ABCB5: variants seen among roughly 807,000 people sequenced by gnomAD.
The protein encoded by ABCB5 is ATP-binding cassette sub-family B member 5.
Under a neutral mutation model 144.2 loss-of-function variants are expected in ABCB5, and 155 were observed. The observed-to-expected ratio is 1.08, with a 90% CI of 0.94 to 1.23. The LOEUF is 1.23. Ranked by LOEUF, ABCB5 falls within the 50% of genes most tolerant of loss-of-function variation. The pLI, the probability that ABCB5 is intolerant of heterozygous loss-of-function variation, is 0.00. For missense variants in ABCB5, 1,830 were observed against 1,520.8 expected (o/e 1.20, Z -3.38); for synonymous variants, 610 against 528.6 (o/e 1.15, Z -2.11).
chr7:20,736,608 A>G (rs1782385521), intron 23 of ABCB5, among the ~76,000 whole-genome samples: 3 of 152,226 alleles, frequency 2.0e-5, no homozygotes, highest in South Asian at 4.1e-4. Context: ...CAACAGTGAC[A>G]TGAGAGATTG....
At chr7:20,689,331 G>A (rs1189425121) in intron 16 of ABCB5, among the ~76,000 whole-genome samples, 2 of 152,168 alleles carry the variant, frequency 1.3e-5, no homozygotes, top group South Asian at 2.1e-4. Context: ...GTGGTACCTT[G>A]CTGGTGGGGC....
rs1269243883 is a variant in ABCB5, at chr7:20,651,408, T to C, written c.1333-12T>C. On this transcript the variant is annotated splice_polypyrimidine_tract_variant and intron_variant, in intron 12 of 27. Transcript: ENST00000404938. ...AAGGCATCACAACATGGTTCATTCT[T>C]TGGATTGGCAGATCATGGTGGATGA... 6.2e-7 allele frequency: 1 copy of C among 1,613,826 alleles called. No homozygotes were observed. Among genetic ancestry groups the C allele is most frequent in the African/African-American group, 1.3e-5 (1 of 74,910 alleles).
In ABCB5 at chr7:20,643,375, A is replaced by G. The variant is rs1784335173; in HGVS notation, c.506A>G (p.Asp169Gly). The G allele has an allele frequency of 6.2e-7, 1 of 1,613,866 alleles. No homozygotes were observed. The highest frequency in any genetic ancestry group is 8.5e-7 in the Non-Finnish European group (1 of 1,179,760). Residue 169 changes from aspartate (D) to glycine (G), a missense_variant and splice_region_variant, in exon 6 of 28, where the codon GAT becomes GGT. Asp to Gly is a moderately conservative substitution (Grantham distance 94). Coordinates refer to ENST00000404938, the MANE Select transcript of ABCB5 (RefSeq NM_001163941.2). Reference sequence around the variant, plus strand: ...GGTGAACTTAACACTCGCATGACAGAGTAAGAGGATGATATTGTAGTACGT... The same window carrying G: ...GGTGAACTTAACACTCGCATGACAGGGTAAGAGGATGATATTGTAGTACGT... ...DIGELNTRMT[D>G]DIDKISDGIG...
intron 14 of ABCB5, among the ~76,000 whole-genome samples, chr7:20,680,581 A>C (rs954154464): frequency 4.0e-5 from 6 of 151,698 alleles, no homozygotes; most frequent in African/African-American, 1.5e-4. Context: ...AAAAAAAAAA[A>C]AAAAACCGAC....
chr7:20,688,772 T>C (rs1583427059), intron 16 of ABCB5, among the ~76,000 whole-genome samples: 2 of 152,268 alleles, frequency 1.3e-5, no homozygotes, highest in East Asian at 1.9e-4. Flanking sequence ...ATATACACCA[T>C]GGAATACTAG....
intron 1 of ABCB5, among the ~76,000 whole-genome samples, chr7:20,618,737 T>A (rs947862352): frequency 6.6e-6 from 1 of 151,548 alleles, no homozygotes; most frequent in Non-Finnish European, 1.5e-5. Context: ...CTACAAAAGA[T>A]TTCATGGCAT....
In ABCB5 at chr7:20,704,806, G is replaced by T; in HGVS notation, c.2420G>T (p.Gly807Val). 1 of 1,609,814 alleles carries T rather than the reference G, an allele frequency of 6.2e-7. No homozygotes were observed. The highest frequency in any genetic ancestry group is 1.1e-5 in the South Asian group (1 of 90,854). The part of the protein sequence containing the change: ...ILAIDIAQIQ[G>V]ATGSRIGVLT... ...GCCATAGATATAGCACAAATTCAAG[G>T]AGTATGTATATTGTTTTTATTGTAA... is the stretch of plus-strand genomic sequence containing the variant. The change falls in exon 20 of 28, where the codon GGA becomes GTA. Residue 807 changes from glycine to valine, a missense_variant and splice_region_variant. Coordinates refer to ENST00000404938, the MANE Select transcript of ABCB5 (RefSeq NM_001163941.2).
intron 14 of ABCB5, among the ~76,000 whole-genome samples, chr7:20,662,513 T>C (rs185100684): frequency 5.9e-5 from 9 of 152,208 alleles, no homozygotes; most frequent in South Asian, 2.1e-4. Context: ...ACATTTTGAA[T>C]GTCTGTGTCA....
At chr7:20,701,069 G>C (rs1399039253) in intron 19 of ABCB5, among the ~76,000 whole-genome samples, 1 of 152,174 alleles carries the variant, frequency 6.6e-6, no homozygotes, top group Non-Finnish European at 1.5e-5. Flanking sequence ...GTGGTCTAAA[G>C]CAATGGGTGA....
At chr7:20,658,992 A>T in intron 14 of ABCB5, 1 of 1,533,202 alleles carries the variant, frequency 6.5e-7, no homozygotes, top group Non-Finnish European at 9.0e-7. Context: ...CATCACTATT[A>T]TAACCATGCC....
chr7:20,749,067 CCTTT>C (rs1435690726), intron 26 of ABCB5, among the ~76,000 whole-genome samples: 3 of 151,666 alleles, frequency 2.0e-5, no homozygotes, highest in Non-Finnish European at 2.9e-5. Context: ...TTTCTCTCTC[CCTTT>C]CTTTCTCTTT....
intron 24 of ABCB5, 23 bp from the exon 25 acceptor site, chr7:20,742,854 A>G (rs1027206215): frequency 6.2e-7 from 1 of 1,612,266 alleles, no homozygotes; most frequent in African/African-American, 1.3e-5. Flanking sequence ...ATTCTTCTCA[A>G]CTCTGTCAAC....
At chr7:20,684,843 A>C (rs1489268289) in intron 15 of ABCB5, among the ~76,000 whole-genome samples, 1 of 152,122 alleles carries the variant, frequency 6.6e-6, no homozygotes, top group Non-Finnish European at 1.5e-5. Flanking sequence ...CTCCTTGTGC[A>C]CCTAAATCGA....
intron 13 of ABCB5, among the ~76,000 whole-genome samples, chr7:20,656,020 G>T (rs533980091): frequency 1.3e-5 from 2 of 152,270 alleles, no homozygotes; most frequent in Non-Finnish European, 2.9e-5. Flanking sequence ...TTGACAAGGC[G>T]AATGGAACTC....
intron 14 of ABCB5, chr7:20,660,112 A>T: frequency 1.0e-6 from 1 of 984,106 alleles, no homozygotes; most frequent in Non-Finnish European, 1.2e-6. Context: ...TCAGACTTTT[A>T]AAATAAATAG....
At chr7:20,617,725 C>T (rs1321807567) in intron 1 of ABCB5, among the ~76,000 whole-genome samples, 1 of 152,080 alleles carries the variant, frequency 6.6e-6, no homozygotes, top group East Asian at 1.9e-4. Flanking sequence ...ATAAGAGAAT[C>T]ATTTTAGATC....
intron 14 of ABCB5, among the ~76,000 whole-genome samples, chr7:20,680,569 C>CAA (rs112635560): frequency 5.2e-4 from 41 of 78,268 alleles, no homozygotes; most frequent in East Asian, 2.7e-3. Context: ...GACTCCGTCT[C>CAA]AAAAAAAAAA....
chr7:20,739,110 G>A lies in ABCB5; in HGVS notation c.2995G>A (p.Asp999Asn), dbSNP rs111982513. ...CTTGTTGGAAAAGAAACCAAATATA[G>A]ACAGCCGCAGTCAAGAAGGGAAAAA... ...FALLEKKPNI[D>N]SRSQEGKKPD... Residue 999 changes from aspartate to asparagine, a missense_variant, in exon 24 of 28, where the codon GAC becomes AAC. Asp to Asn is a conservative substitution (Grantham distance 23, BLOSUM62 1). Transcript: ENST00000404938. 527 of 1,606,902 alleles carry A rather than the reference G, an allele frequency of 3.3e-4. 8 individuals are homozygous for A. The African/African-American group carries it at 6.1e-3, about 19-fold the overall frequency.
At chr7:20,704,849 T>TGTGCACACATGCA in intron 20 of ABCB5, 42 bp downstream of exon 20, 1 of 1,480,910 alleles carries the variant, frequency 6.8e-7, no homozygotes, top group African/African-American at 1.4e-5. Context: ...ATGTATGTGG[T>TGTGCACACATGCA]GTGCACACAT....
Sources: allele counts gnomAD v4.1 joint callset (sites outside exome capture counted in the v4.1 genomes callset), GRCh38; gene constraint gnomAD v4.1.1; transcripts MANE v1.5; gene names NCBI Gene and HGNC (gene_info 2026-07-23, HGNC 2026-07-21).